Variants in TOM1L1 observed in about 807,000 individuals in gnomAD.
TOM1L1 encodes the protein target of myb1 like 1 membrane trafficking protein.
Under a neutral mutation model 63.4 loss-of-function variants are expected in TOM1L1, and 64 were observed. The ratio of observed to expected loss-of-function variants is 1.01; its 90% confidence interval spans 0.83 to 1.24. The LOEUF (loss-of-function observed/expected upper bound fraction) is 1.24, where lower values mean the gene tolerates loss of function less well. TOM1L1 is among the 50% of genes most tolerant of loss of function. The pLI is 0.00. For synonymous variants in TOM1L1, 166 were observed against 194.4 expected, an observed-to-expected ratio of 0.85 and a Z score of 1.22; for missense variants, 536 against 567.0, an observed-to-expected ratio of 0.95 and a Z score of 0.55.
At chr17:54,943,811 T>C (rs1172579260) in intron 11 of TOM1L1, among the ~76,000 whole-genome samples, 1 of 151,824 alleles carries the variant, frequency 6.6e-6, no homozygotes, top group Non-Finnish European at 1.5e-5. Flanking sequence ...ACCCTGTCTC[T>C]ACTACAAATA....
intron 10 of TOM1L1, chr17:54,937,596 T>A (rs2048970956): frequency 5.8e-6 from 1 of 172,420 alleles, no homozygotes; most frequent in South Asian, 1.5e-4. Flanking sequence ...GTATCTCTGA[T>A]GCAAGCGGAG....
At chr17:54,943,439 A>ACGG (rs2049062840) in intron 11 of TOM1L1, among the ~76,000 whole-genome samples, 2 of 78,868 alleles carry the variant, frequency 2.5e-5, no homozygotes, top group Non-Finnish European at 5.0e-5. Flanking sequence ...TCTTTGTATA[A>ACGG]TGGTGTGTGT....
intron 7 of TOM1L1, among the ~76,000 whole-genome samples, chr17:54,922,540 C>T (rs2048701953): frequency 1.3e-5 from 2 of 152,164 alleles, no homozygotes; most frequent in South Asian, 2.1e-4. Context: ...GAGGTCGAGG[C>T]TGCAGTAAAC....
At chr17:54,915,266 A>T (rs575886182) in intron 6 of TOM1L1, among the ~76,000 whole-genome samples, 7 of 152,362 alleles carry the variant, frequency 4.6e-5, no homozygotes, top group African/African-American at 1.7e-4. Flanking sequence ...ATAAAAATGC[A>T]TGTGACTAAT....
Position 54,914,625 on chromosome 17 carries a change from T to A in TOM1L1, c.499-14T>A. 6.2e-7 allele frequency: 1 copy of A among 1,600,446 alleles called. No homozygotes were observed. Among genetic ancestry groups the A allele is most frequent in the Non-Finnish European group, 8.6e-7 (1 of 1,168,124 alleles). ...TAATTCACATAATAATATTACCATG[T>A]TTCATACTCATAGACTGCTCAAATC... On this transcript the variant is annotated splice_polypyrimidine_tract_variant and intron_variant, in intron 5 of 15. Transcript: ENST00000575882.
chr17:54,908,601 T>C (rs2143748532), intron 3 of TOM1L1, among the ~76,000 whole-genome samples: 1 of 152,348 alleles, frequency 6.6e-6, no homozygotes, highest in East Asian at 1.9e-4. Context: ...GAGTTCTCCG[T>C]GGACGTGTTA....
chr17:54,937,348 A>G, intron 10 of TOM1L1, 122 bp downstream of exon 10: 1 of 771,838 alleles, frequency 1.3e-6, no homozygotes, highest in Non-Finnish European at 2.2e-6. Flanking sequence ...TCAGAGCGCT[A>G]TGTTAGGAGA....
rs759164376 is a variant in TOM1L1 at position 54,913,793 on chromosome 17, A to G, written c.418A>G (p.Lys140Glu). The change falls in exon 5 of 16, where the codon AAA becomes GAA. Residue 140 changes from lysine to glutamate, a missense_variant. Physicochemically the swap from Lys to Glu is moderately conservative, Grantham distance 56. Transcript: ENST00000575882. ...AGGAGGTGTGGATGTAAGCGAAGTC[A>G]AAGAAGTATACCTCGACCTGGTTAA... ...FPGGVDVSEV[K>E]EVYLDLVKKG... 1.9e-6 allele frequency: 3 copies of G among 1,612,706 alleles called. No homozygotes were observed. Among genetic ancestry groups the G allele is most frequent in the East Asian group, 4.5e-5 (2 of 44,736 alleles).
chr17:54,943,355 C>CT (rs1567838299), intron 11 of TOM1L1, among the ~76,000 whole-genome samples: 1 of 148,890 alleles, frequency 6.7e-6, no homozygotes, highest in Non-Finnish European at 1.5e-5. Context: ...TTTCTGTTTC[C>CT]TTTTTCCTGC....
At chr17:54,915,913 C>A in intron 7 of TOM1L1, 51 bp downstream of exon 7, 1 of 1,431,936 alleles carries the variant, frequency 7.0e-7, no homozygotes, top group Non-Finnish European at 9.8e-7. Context: ...TAAAGTTATT[C>A]TCTAAACTTT....
intron 1 of TOM1L1, among the ~76,000 whole-genome samples, chr17:54,902,987 A>G (rs1052780183): frequency 6.6e-6 from 1 of 152,212 alleles, no homozygotes; most frequent in Non-Finnish European, 1.5e-5. Flanking sequence ...AGTGTATGCA[A>G]TGGAAGTTTT....
rs1598102421 is a variant in TOM1L1, at chr17:54,961,693, G to C, written c.*460G>C. 1 of 1,044,328 alleles carries C rather than the reference G, an allele frequency of 9.6e-7. No individual in the cohort carries two copies. Among genetic ancestry groups the C allele is most frequent in the East Asian group, 9.4e-5 (1 of 10,604 alleles). The allele number at this position is 1,044,328 out of a possible 1,614,324, so 64.7% of individuals were successfully genotyped here. On this transcript the variant is annotated 3_prime_UTR_variant, in exon 16 of 16. Transcript: ENST00000575882. ...CATTTAACTAAAGTTGAATGTAAAA[G>C]TCAATTTGCACTTCTTTATAATCCT... is the stretch of plus-strand genomic sequence containing the variant.
rs747481389 is a variant in TOM1L1, at chr17:54,912,859, T to G, written c.372+44T>G. 2.0e-6 allele frequency: 3 copies of G among 1,468,922 alleles called. No homozygotes were observed. The South Asian group carries it at 4.5e-5, about 22-fold the overall frequency. 91.0% of individuals were successfully genotyped at this position (1,468,922 alleles called of 1,614,324 possible). On this transcript the variant is annotated intron_variant, in intron 4 of 15. Coordinates refer to ENST00000575882, the MANE Select transcript of TOM1L1 (RefSeq NM_005486.3). ...TCATGGGATGGTAAATTTCTAAGATTAGGGATTTAATAGCTTACCTCCTGA... is the reference window on the plus strand; with the variant it reads ...TCATGGGATGGTAAATTTCTAAGATGAGGGATTTAATAGCTTACCTCCTGA...
chr17:54,930,072 G>A lies in TOM1L1; in HGVS notation c.721-1G>A. ...AGAAATCTCTCTCCTTTCTTTGACAGAAACTCTATAAAACAGGTCGGGAGA... is the reference window on the plus strand; with the variant it reads ...AGAAATCTCTCTCCTTTCTTTGACAAAAACTCTATAAAACAGGTCGGGAGA... On this transcript the variant is annotated splice_acceptor_variant, in intron 7 of 15. Transcript: ENST00000575882. LOFTEE classifies it high-confidence loss of function. The A allele has an allele frequency of 6.2e-7, 1 of 1,613,926 alleles. No individual in the cohort carries two copies. The highest frequency in any genetic ancestry group is 1.1e-5 in the South Asian group (1 of 91,046).
intron 3 of TOM1L1, among the ~76,000 whole-genome samples, chr17:54,908,574 A>G (rs2048448032): frequency 6.6e-6 from 1 of 152,144 alleles, no homozygotes; most frequent in Non-Finnish European, 1.5e-5. Flanking sequence ...AATATTCTTT[A>G]TGTTATCTGT....
Position 54,913,870 on chromosome 17 carries a change from A to G in TOM1L1, c.495A>G (p.Gln165=). 1.2e-6 allele frequency: 2 copies of G among 1,606,146 alleles called. No individual in the cohort carries two copies. Among genetic ancestry groups the G allele is most frequent in the Non-Finnish European group, 1.7e-6 (2 of 1,175,052 alleles). Residue 165 remains glutamine (Q), a synonymous_variant, in exon 5 of 16, where the codon CAA becomes CAG. Coordinates refer to ENST00000575882, the MANE Select transcript of TOM1L1 (RefSeq NM_005486.3). ...PSEAEAETAR[Q]ETAQISSNPP... ...AAGCAGAGGCTGAAACAGCAAGACA[A>G]GAGGTAGGAGGCCTTTCTTTGACCC...
At chr17:54,922,692 G>C (rs2048704604) in intron 7 of TOM1L1, among the ~76,000 whole-genome samples, 1 of 152,152 alleles carries the variant, frequency 6.6e-6, no homozygotes, top group Admixed American at 6.5e-5. Context: ...TAAAGGTCTT[G>C]ATCTTTATCT....
At chr17:54,925,919 C>CAACAACA (rs750527852) in intron 7 of TOM1L1, among the ~76,000 whole-genome samples, 23 of 149,662 alleles carry the variant, frequency 1.5e-4, no homozygotes, top group Admixed American at 1.0e-3. Context: ...AAAACAACAA[C>CAACAACA]AAAAAAAAAA....
intron 7 of TOM1L1, among the ~76,000 whole-genome samples, chr17:54,924,283 CTTT>C (rs35210443): frequency 1.5e-5 from 2 of 137,530 alleles, no homozygotes; most frequent in African/African-American, 2.7e-5. Flanking sequence ...TTTCTTTTTT[CTTT>C]TTTTTTTTTT....
Sources: gnomAD v4.1 joint callset for allele counts (sites outside exome capture counted in the v4.1 genomes callset) on GRCh38, gnomAD v4.1.1 for gene constraint, MANE v1.5 for transcripts, NCBI Gene and HGNC (gene_info 2026-07-23, HGNC 2026-07-21) for gene names.